NDUFAF5: variants seen among roughly 807,000 people sequenced by gnomAD.
NDUFAF5 encodes the protein NADH:ubiquinone oxidoreductase complex assembly factor 5, also known as arginine-hydroxylase NDUFAF5, mitochondrial.
A neutral mutation model predicts 48.9 loss-of-function variants in NDUFAF5; 34 were observed. The observed-to-expected ratio is 0.70, with a 90% CI of 0.53 to 0.93. The LOEUF (loss-of-function observed/expected upper bound fraction) is 0.93. NDUFAF5 is among the 40% of genes least tolerant of loss of function. The probability of loss-of-function intolerance (pLI) is 0.00; values close to 1 mark genes in which losing one functional copy is unlikely to be tolerated. For synonymous variants in NDUFAF5, 153 were observed against 150.6 expected, an observed-to-expected ratio of 1.02 and a Z score of -0.12; for missense variants, 428 against 427.5, an observed-to-expected ratio of 1.00 and a Z score of -0.01.
intron 2 of NDUFAF5, among the ~76,000 whole-genome samples, chr20:13,788,277 G>A (rs1981548358): frequency 6.6e-6 from 1 of 152,134 alleles, no homozygotes; most frequent in Admixed American, 6.5e-5. Flanking sequence ...ATTTACATTA[G>A]CTTCTTTGCA....
At chr20:13,785,445 G>T (rs1762256738) in intron 1 of NDUFAF5, among the ~76,000 whole-genome samples, 155 bp downstream of exon 1, 2 of 152,224 alleles carry the variant, frequency 1.3e-5, no homozygotes, top group Non-Finnish European at 2.9e-5. Context: ...ATCACGCAAG[G>T]CCTGGCCTCG....
intron 3 of NDUFAF5, among the ~76,000 whole-genome samples, chr20:13,789,159 A>G (rs1426090245): frequency 6.6e-6 from 1 of 152,206 alleles, no homozygotes; most frequent in East Asian, 1.9e-4. Flanking sequence ...CACAAAGATG[A>G]AAGTGGAATT....
intron 7 of NDUFAF5, among the ~76,000 whole-genome samples, chr20:13,804,993 CT>C (rs1568771111): frequency 2.0e-5 from 3 of 152,052 alleles, no homozygotes; most frequent in African/African-American, 7.2e-5. Flanking sequence ...GATTTAAAGC[CT>C]TTTTGATAAT....
intron 7 of NDUFAF5, chr20:13,803,171 AG>A (rs1984469261): frequency 6.6e-6 from 1 of 152,246 alleles, no homozygotes; most frequent in Non-Finnish European, 1.5e-5. Context: ...ATGGGCAAGC[AG>A]GGCCCCTGAT....
intron 3 of NDUFAF5, among the ~76,000 whole-genome samples, chr20:13,791,644 C>A (rs1197224231): frequency 6.6e-6 from 1 of 152,192 alleles, no homozygotes; most frequent in Admixed American, 6.5e-5. Context: ...CCAGTTTAAA[C>A]ACAGAGACAT....
intron 4 of NDUFAF5, 143 bp downstream of exon 4, chr20:13,793,370 G>GA: frequency 1.3e-6 from 1 of 792,684 alleles, no homozygotes; most frequent in South Asian, 1.6e-5. Context: ...AAGAACAAAG[G>GA]AAAAATCACC....
At chr20:13,808,062 A>G (rs1458747394) in intron 7 of NDUFAF5, among the ~76,000 whole-genome samples, 1 of 152,204 alleles carries the variant, frequency 6.6e-6, no homozygotes, top group African/African-American at 2.4e-5. Flanking sequence ...GGGACAGCCC[A>G]TCTCCATCTT....
At chr20:13,801,791 C>A in intron 7 of NDUFAF5, 108 bp downstream of exon 7, 1 of 945,266 alleles carries the variant, frequency 1.1e-6, no homozygotes, top group African/African-American at 1.6e-5. Context: ...GGCACTCTTT[C>A]TCTCCCTTTT....
chr20:13,793,076 A>G, intron 3 of NDUFAF5, 104 bp from the exon 4 acceptor site: 1 of 1,280,384 alleles, frequency 7.8e-7, no homozygotes, highest in Non-Finnish European at 1.1e-6. Flanking sequence ...ATATACCTTT[A>G]CAAAGCTGAA....
intron 4 of NDUFAF5, among the ~76,000 whole-genome samples, chr20:13,794,405 G>A (rs997253081): frequency 2.0e-5 from 3 of 151,936 alleles, no homozygotes; most frequent in South Asian, 4.2e-4. Context: ...TCAGCCTCCC[G>A]AGTAGCTGAG....
intron 7 of NDUFAF5, chr20:13,801,909 AGTAGCTC>A: frequency 4.1e-6 from 2 of 481,976 alleles, no homozygotes; most frequent in Non-Finnish European, 3.7e-6. Context: ...TACCTTAAAA[AGTAGCTC>A]AAAAAATGTA....
chr20:13,805,791 A>G (rs1984916202), intron 7 of NDUFAF5, among the ~76,000 whole-genome samples: 1 of 151,990 alleles, frequency 6.6e-6, no homozygotes. Flanking sequence ...AATTTTTTTA[A>G]ATAGCTGGGC....
chr20:13,785,415 C>T lies in NDUFAF5; in HGVS notation c.222+125C>T, dbSNP rs770818189. 1.6e-5 allele frequency: 12 copies of T among 738,400 alleles called. No homozygotes were observed. The Middle Eastern group carries it at 1.8e-3, about 109-fold the overall frequency. The allele number at this position is 738,400 out of a possible 1,614,324, so 45.7% of individuals were successfully genotyped here. ...GTCTGACCTTGACCAGCAGCCCTGC[C>T]TCTTTCGGCCTCTACTGTAATCACG... On this transcript the variant is annotated intron_variant, in intron 1 of 10. Coordinates refer to ENST00000378106, the MANE Select transcript of NDUFAF5 (RefSeq NM_024120.5).
At chr20:13,809,042 TGAG>T (rs1985483092) in intron 8 of NDUFAF5, 140 bp downstream of exon 8, 1 of 673,186 alleles carries the variant, frequency 1.5e-6, no homozygotes, top group South Asian at 1.7e-5. Flanking sequence ...GATCCATTGT[TGAG>T]GAGAAAGCAG....
chr20:13,813,211 A>G (rs999176316), intron 8 of NDUFAF5, among the ~76,000 whole-genome samples: 43 of 152,300 alleles, frequency 2.8e-4, no homozygotes, highest in African/African-American at 1.0e-3. Context: ...TGGCCTCCCA[A>G]AGTGCTGGGA....
intron 4 of NDUFAF5, among the ~76,000 whole-genome samples, chr20:13,794,373 G>C (rs1004951094): frequency 2.0e-5 from 3 of 151,894 alleles, no homozygotes; most frequent in African/African-American, 4.8e-5. Context: ...TCCGCCTCCC[G>C]GGTTCAAGCG....
At chr20:13,786,825 C>A (rs531557982) in intron 1 of NDUFAF5, among the ~76,000 whole-genome samples, 2 of 152,144 alleles carry the variant, frequency 1.3e-5, no homozygotes, top group African/African-American at 4.8e-5. Context: ...TTCTAACTTG[C>A]GAATGTCACT....
Position 13,817,475 on chromosome 20 carries a change from T to G in NDUFAF5, c.*265T>G. 1 of 568,112 alleles carries G rather than the reference T, an allele frequency of 1.8e-6. No homozygotes were observed. The highest frequency in any genetic ancestry group is 1.5e-5 in the South Asian group (1 of 65,540). 35.2% of individuals were successfully genotyped at this position (568,112 alleles called of 1,614,324 possible). ...TTCCCTAAAATATTTGCAAATAATG[T>G]TCACATATGTAAATGCCTTGGAAAA... On this transcript the variant is annotated 3_prime_UTR_variant, in exon 11 of 11. Coordinates refer to ENST00000378106, the MANE Select transcript of NDUFAF5 (RefSeq NM_024120.5).
chr20:13,788,262 A>G (rs986426932), intron 2 of NDUFAF5, among the ~76,000 whole-genome samples: 2 of 152,196 alleles, frequency 1.3e-5, no homozygotes, highest in South Asian at 2.1e-4. Flanking sequence ...GTTATTTTCA[A>G]GTTAATTTAC....
Sources: allele counts gnomAD v4.1 joint callset (sites outside exome capture counted in the v4.1 genomes callset), GRCh38; gene constraint gnomAD v4.1.1; transcripts MANE v1.5; gene names NCBI Gene and HGNC (gene_info 2026-07-23, HGNC 2026-07-21).